The following AGBL4 variants were observed in gnomAD, a reference collection of about 807,000 sequenced individuals.
The protein encoded by AGBL4 is AGBL carboxypeptidase 4.
In AGBL4, 58 loss-of-function variants were observed where a neutral mutation model predicts 66.4. That is an observed-to-expected ratio of 0.87 (90% confidence interval 0.71 to 1.09). AGBL4 has a LOEUF of 1.09. AGBL4 is among the 50% of genes least tolerant of loss of function. AGBL4 has a pLI of 0.00. For synonymous variants in AGBL4, 234 were observed against 222.9 expected, an observed-to-expected ratio of 1.05 and a Z score of -0.44; for missense variants, 579 against 631.0, an observed-to-expected ratio of 0.92 and a Z score of 0.88.
chr1:49,283,598 G>C (rs1034595916), intron 3 of AGBL4, among the ~76,000 whole-genome samples: 6 of 152,062 alleles, frequency 3.9e-5, no homozygotes, highest in African/African-American at 1.4e-4. Flanking sequence ...TCAAACCAAA[G>C]GCAAATAAGT....
intron 3 of AGBL4, among the ~76,000 whole-genome samples, chr1:49,312,977 A>G (rs1017362556): frequency 1.3e-5 from 2 of 152,006 alleles, no homozygotes; most frequent in Non-Finnish European, 2.9e-5. Context: ...TGCACCTGTT[A>G]ACTCATCATC....
chr1:49,770,272 T>C (rs1213944976), intron 2 of AGBL4, among the ~76,000 whole-genome samples: 1 of 152,226 alleles, frequency 6.6e-6, no homozygotes, highest in Admixed American at 6.5e-5. Context: ...TCTGAATCTA[T>C]TGAAATAATG....
At chr1:49,823,659 C>G (rs759637870) in intron 2 of AGBL4, among the ~76,000 whole-genome samples, 2 of 152,068 alleles carry the variant, frequency 1.3e-5, no homozygotes, top group Non-Finnish European at 2.9e-5. Flanking sequence ...GGTAGGGAAT[C>G]ATCCAGAAAC....
chr1:49,080,519 G>C (rs1644790586), intron 4 of AGBL4, among the ~76,000 whole-genome samples: 1 of 152,068 alleles, frequency 6.6e-6, no homozygotes, highest in Admixed American at 6.5e-5. Flanking sequence ...TGATTTTTTG[G>C]AGGTACCCCT....
At chr1:49,129,669 T>C (rs1222434105) in intron 4 of AGBL4, among the ~76,000 whole-genome samples, 1 of 152,150 alleles carries the variant, frequency 6.6e-6, no homozygotes, top group East Asian at 1.9e-4. Context: ...CTGCATAGTA[T>C]TCCATGGTGT....
At chr1:49,908,888 A>T (rs1650543229) in intron 1 of AGBL4, among the ~76,000 whole-genome samples, 1 of 152,210 alleles carries the variant, frequency 6.6e-6, no homozygotes, top group Non-Finnish European at 1.5e-5. Flanking sequence ...ATACTTCATG[A>T]ATGAATTTTA....
chr1:48,927,581 C>T (rs892294336), intron 5 of AGBL4, among the ~76,000 whole-genome samples: 5 of 151,956 alleles, frequency 3.3e-5, no homozygotes, highest in African/African-American at 9.7e-5. Context: ...TGAAGTCCCA[C>T]GAAAGAATAT....
intron 3 of AGBL4, among the ~76,000 whole-genome samples, chr1:49,478,069 T>C (rs1230552785): frequency 2.0e-5 from 3 of 151,732 alleles, no homozygotes; most frequent in Non-Finnish European, 4.4e-5. Context: ...GCTTGCAGGA[T>C]TTAGAAAATA....
chr1:49,393,789 G>A (rs1234574394), intron 3 of AGBL4, among the ~76,000 whole-genome samples: 4 of 152,192 alleles, frequency 2.6e-5, no homozygotes, highest in Non-Finnish European at 4.4e-5. Context: ...GCTTGAGAGT[G>A]CATTGTGATG....
intron 2 of AGBL4, among the ~76,000 whole-genome samples, chr1:49,809,855 C>T (rs1645059835): frequency 1.3e-5 from 2 of 152,154 alleles, no homozygotes; most frequent in Non-Finnish European, 2.9e-5. Flanking sequence ...ATGAAATCTC[C>T]GCCTAAATTT....
At chr1:48,786,650 A>G (rs1420929715) in intron 6 of AGBL4, among the ~76,000 whole-genome samples, 1 of 152,194 alleles carries the variant, frequency 6.6e-6, no homozygotes, top group Non-Finnish European at 1.5e-5. Context: ...TTCTTAAATC[A>G]TGGCTTCCTT....
chr1:49,054,646 T>C (rs1644277919), intron 4 of AGBL4, among the ~76,000 whole-genome samples: 1 of 151,974 alleles, frequency 6.6e-6, no homozygotes, highest in South Asian at 2.1e-4. Flanking sequence ...TGTCAAAATG[T>C]ACCCAAACAG....
intron 3 of AGBL4, among the ~76,000 whole-genome samples, chr1:49,664,287 T>C (rs1312237837): frequency 6.6e-6 from 1 of 152,022 alleles, no homozygotes. Flanking sequence ...ATGAGTATTG[T>C]CATAAAAAGT....
chr1:49,721,758 G>A (rs1488649946), intron 2 of AGBL4, among the ~76,000 whole-genome samples: 1 of 152,076 alleles, frequency 6.6e-6, no homozygotes, highest in Non-Finnish European at 1.5e-5. Flanking sequence ...GGAAGGAGTG[G>A]ATTACAAAGA....
intron 6 of AGBL4, among the ~76,000 whole-genome samples, chr1:48,863,071 C>T (rs573820125): frequency 1.4e-4 from 21 of 152,214 alleles, no homozygotes; most frequent in Non-Finnish European, 2.8e-4. Flanking sequence ...AATAATAATA[C>T]ATTGTTTTCC....
chr1:49,492,310 C>G (rs1397584691), intron 3 of AGBL4, among the ~76,000 whole-genome samples: 2 of 151,856 alleles, frequency 1.3e-5, no homozygotes, highest in Admixed American at 6.6e-5. Flanking sequence ...TGTGAATATG[C>G]TGGAAAAATG....
chr1:49,290,909 T>C (rs115801950), intron 3 of AGBL4, among the ~76,000 whole-genome samples: 1,923 of 152,114 alleles, frequency 0.013, 41 homozygotes, highest in African/African-American at 0.045. Flanking sequence ...GCTTTGGTGG[T>C]TGAGGTAGGA....
At chr1:49,236,076 C>G (rs1650716002) in intron 4 of AGBL4, among the ~76,000 whole-genome samples, 1 of 151,982 alleles carries the variant, frequency 6.6e-6, no homozygotes, top group African/African-American at 2.4e-5. Context: ...GTCACCCAGG[C>G]TGGAGTGCAG....
At chr1:49,599,332 G>A (rs1282688427) in intron 3 of AGBL4, among the ~76,000 whole-genome samples, 1 of 152,194 alleles carries the variant, frequency 6.6e-6, no homozygotes, top group East Asian at 1.9e-4. Context: ...TTAGACTTGG[G>A]AGGGTGTATG....
Sources: allele counts gnomAD v4.1 joint callset (sites outside exome capture counted in the v4.1 genomes callset), GRCh38; gene constraint gnomAD v4.1.1; transcripts MANE v1.5; gene names NCBI Gene and HGNC (gene_info 2026-07-23, HGNC 2026-07-21).